Variants in SLITRK2 observed in about 807,000 individuals in gnomAD.
SLITRK2 encodes the protein SLIT and NTRK like family member 2.
Under a neutral mutation model 35.4 loss-of-function variants are expected in SLITRK2, and 13 were observed. The observed-to-expected ratio is 0.37, with a 90% CI of 0.24 to 0.58. The LOEUF (loss-of-function observed/expected upper bound fraction) is 0.58. Among genes scored for constraint, SLITRK2 ranks in the 20% least tolerant of loss-of-function variants. The pLI, the probability that SLITRK2 is intolerant of heterozygous loss-of-function variation, is 0.75. For missense variants in SLITRK2, 471 were observed against 634.3 expected (o/e 0.74, Z 2.76); for synonymous variants, 294 against 264.7 (o/e 1.11, Z -1.07).
chrX:145,825,101 G>A lies in SLITRK2; in HGVS notation c.*138G>A, dbSNP rs1288461828. 5 of 700,011 alleles carry A rather than the reference G, an allele frequency of 7.1e-6. No individual in the cohort carries two copies. Among genetic ancestry groups the A allele is most frequent in the Middle Eastern group, 3.3e-4 (1 of 3,045 alleles). The allele number at this position is 700,011 out of a possible 1,213,427, so 57.7% of individuals were successfully genotyped here. A position where few individuals can be genotyped will look rare whatever the true frequency, so the allele number is the denominator to read the frequency against. On this transcript the variant is annotated 3_prime_UTR_variant, in exon 5 of 5. Transcript: ENST00000335565. ...GGACTTTGAAAATGTTTGGGAGATA[G>A]GATGAAGTCATGATTTTGCTTTTGC...
intron 1 of SLITRK2, chrX:145,818,322 G>C (rs1183164341): frequency 1.8e-5 from 2 of 112,927 alleles, no homozygotes; most frequent in Non-Finnish European, 3.8e-5. Context: ...GCCTCCGGTC[G>C]GCCTGCAGTG....
rs782518844 is a variant in SLITRK2 at position 145,823,317 on chromosome X, G to T, written c.892G>T (p.Ala298Ser). ...TMNPALNPTR[A>S]PKASRPPKMR... ...GAATCCTGCTCTCAACCCAACCAGGGCTCCGAAAGCCAGCCGGCCGCCCAA... is the reference window on the plus strand; with the variant it reads ...GAATCCTGCTCTCAACCCAACCAGGTCTCCGAAAGCCAGCCGGCCGCCCAA... Residue 298 changes from alanine to serine, a missense_variant, in exon 5 of 5, where the codon GCT becomes TCT. Coordinates refer to ENST00000335565, the MANE Select transcript of SLITRK2 (RefSeq NM_032539.5). 9.9e-6 allele frequency: 12 copies of T among 1,209,246 alleles called. No homozygotes were observed. Among genetic ancestry groups the T allele is most frequent in the African/African-American group, 3.5e-5 (2 of 56,937 alleles).
rs2073028473 is a variant in SLITRK2, at chrX:145,822,018, T to C, written c.-179T>C. On this transcript the variant is annotated 5_prime_UTR_variant, in exon 4 of 5. Coordinates refer to ENST00000335565, the MANE Select transcript of SLITRK2 (RefSeq NM_032539.5). The stretch of plus-strand genomic sequence containing the variant: ...TTTTTCCTAAAGCGATTGCGATTTC[T>C]GCTGGGAGCTCAAGACGGGCGAGCT... 1 of 123,060 alleles carries C rather than the reference T, an allele frequency of 8.1e-6. No individual in the cohort carries two copies. The highest frequency in any genetic ancestry group is 3.4e-5 in the African/African-American group (1 of 29,587). 10.1% of individuals were successfully genotyped at this position (123,060 alleles called of 1,213,427 possible). A position where few individuals can be genotyped will look rare whatever the true frequency, so the allele number is the denominator to read the frequency against.
chrX:145,823,956 G>T lies in SLITRK2; in HGVS notation c.1531G>T (p.Val511Leu). Residue 511 changes from valine (V) to leucine (L), a missense_variant, in exon 5 of 5, where the codon GTG becomes TTG. Val to Leu is a conservative substitution (Grantham distance 32). Transcript: ENST00000335565. Reference protein sequence around the residue: ...LRNNHFSHLPVKGVLDQLPAF... With the variant: ...LRNNHFSHLPLKGVLDQLPAF... ...AAACAACCATTTTTCTCACCTGCCC[G>T]TGAAAGGGGTTCTGGATCAGCTCCC... is the stretch of plus-strand genomic sequence containing the variant. 3.3e-6 allele frequency: 4 copies of T among 1,211,298 alleles called. No individual in the cohort carries two copies. The highest frequency in any genetic ancestry group is 4.5e-6 in the Non-Finnish European group (4 of 895,406).
chrX:145,822,195 T>C (rs2073032051), intron 4 of SLITRK2, 42 bp downstream of exon 4: 3 of 374,220 alleles, frequency 8.0e-6, no homozygotes, highest in East Asian at 8.8e-5. Flanking sequence ...GTGGGTGGCC[T>C]CGGGATGGGG....
intron 1 of SLITRK2, 78 bp downstream of exon 1, chrX:145,818,104 C>T (rs1347116440): frequency 1.8e-5 from 2 of 112,538 alleles, no homozygotes; most frequent in Non-Finnish European, 1.9e-5. Context: ...CCTTTCCCGG[C>T]CACCTCTCCT....
At position 145,825,155 on chromosome X, in the gene SLITRK2, G is replaced by A. The variant is rs1053599340; in HGVS notation, c.*192G>A. 8.4e-5 allele frequency: 27 copies of A among 321,708 alleles called. No individual in the cohort carries two copies. Among genetic ancestry groups the A allele is most frequent in the Non-Finnish European group, 1.3e-4 (25 of 194,462 alleles). 26.5% of individuals were successfully genotyped at this position (321,708 alleles called of 1,213,427 possible). ...TTTTCCTTTAAATTATTTCTCTCTC[G>A]CTCTCCTCCCCTCCTTTTTTTTTTT... On this transcript the variant is annotated 3_prime_UTR_variant, in exon 5 of 5. Coordinates refer to ENST00000335565, the MANE Select transcript of SLITRK2 (RefSeq NM_032539.5).
At chrX:145,821,298 G>T (rs1424502874) in intron 2 of SLITRK2, 50 bp from the exon 3 acceptor site, 2 of 109,432 alleles carry the variant, frequency 1.8e-5, no homozygotes, top group South Asian at 4.1e-4. Flanking sequence ...CATTAGCAGG[G>T]CCCCTCCTTG....
chrX:145,820,774 G>A, intron 2 of SLITRK2: 1 of 111,159 alleles, frequency 9.0e-6, no homozygotes, highest in Non-Finnish European at 1.9e-5. Context: ...CTCATTATCT[G>A]GCTAAGTATA....
chrX:145,827,868 A>G lies in SLITRK2; in HGVS notation c.*2905A>G. 8.3e-7 allele frequency: 1 copy of G among 1,211,413 alleles called. No homozygotes were observed. Among genetic ancestry groups the G allele is most frequent in the Middle Eastern group, 2.3e-4 (1 of 4,351 alleles). ...TTTAGGATTTTTATTTTTATCTTCC[A>G]CAGCTGGATATTGCTATTTCACTTT... On this transcript the variant is annotated 3_prime_UTR_variant, in exon 5 of 5. Coordinates refer to ENST00000335565, the MANE Select transcript of SLITRK2 (RefSeq NM_032539.5).
Position 145,822,126 on chromosome X carries a change from G to A in SLITRK2, c.-71G>A. The A allele has an allele frequency of 6.9e-6, 2 of 288,454 alleles. No individual in the cohort carries two copies. Among genetic ancestry groups the A allele is most frequent in the East Asian group, 1.2e-4 (2 of 16,158 alleles). 23.8% of individuals were successfully genotyped at this position (288,454 alleles called of 1,213,427 possible). ...ACAACTCGGTTACTAATGACTTGGC[G>A]GCTGGCTGCGACCCCCCGGGAAATC... On this transcript the variant is annotated 5_prime_UTR_variant, in exon 4 of 5. Coordinates refer to ENST00000335565, the MANE Select transcript of SLITRK2 (RefSeq NM_032539.5).
rs1556944492 is a variant in SLITRK2, at chrX:145,823,782, T to C, written c.1357T>C (p.Tyr453His). ...FDGLQSLQYLYLEYNVIKEIK... is the reference protein window; with the variant it reads ...FDGLQSLQYLHLEYNVIKEIK... ...TGGACTGCAGAGCTTGCAATATCTC[T>C]ATTTAGAGTATAATGTCATTAAGGA... The change falls in exon 5 of 5, where the codon TAT (tyrosine) becomes CAT (histidine). Residue 453 changes from tyrosine to histidine, a missense_variant. Transcript: ENST00000335565. The C allele has an allele frequency of 8.3e-7, 1 of 1,208,811 alleles. No individual in the cohort carries two copies. Among genetic ancestry groups the C allele is most frequent in the African/African-American group, 1.7e-5 (1 of 57,162 alleles).
In SLITRK2 at chrX:145,827,798, T is replaced by A. The variant is rs781849513; in HGVS notation, c.*2835T>A. On this transcript the variant is annotated 3_prime_UTR_variant, in exon 5 of 5. Transcript: ENST00000335565. ...CTCACTAGCATCCCCACTGACTATA[T>A]TCTGTTTTGCTTTATCTGCTCAAGC... 2.5e-6 allele frequency: 3 copies of A among 1,210,609 alleles called. No individual in the cohort carries two copies. The South Asian group carries it at 5.3e-5, about 21-fold the overall frequency.
rs1403338469 is a variant in SLITRK2, at chrX:145,819,641, T to C, written c.-792-833T>C. ...ACATAGAAACAAATGCCTCCTTTGC[T>C]AGGAAAGGGAGCTTAATTGTGCTCC... On this transcript the variant is annotated intron_variant, in intron 1 of 4. Transcript: ENST00000335565. 3 of 112,333 alleles carry C rather than the reference T, an allele frequency of 2.7e-5. No homozygotes were observed. The East Asian group carries it at 8.4e-4, about 32-fold the overall frequency. The allele number at this position is 112,333 out of a possible 1,213,427, so 9.3% of individuals were successfully genotyped here. A position where few individuals can be genotyped will look rare whatever the true frequency, so the allele number is the denominator to read the frequency against.
chrX:145,825,167 T>G lies in SLITRK2; in HGVS notation c.*204T>G. 8.9e-6 allele frequency: 2 copies of G among 224,901 alleles called. No homozygotes were observed. The highest frequency in any genetic ancestry group is 1.5e-5 in the Non-Finnish European group (2 of 137,730). The allele number at this position is 224,901 out of a possible 1,213,427, so 18.5% of individuals were successfully genotyped here. ...TTATTTCTCTCTCGCTCTCCTCCCC[T>G]CCTTTTTTTTTTTTTTTTTTTTTTC... is the stretch of plus-strand genomic sequence containing the variant. On this transcript the variant is annotated 3_prime_UTR_variant, in exon 5 of 5. Coordinates refer to ENST00000335565, the MANE Select transcript of SLITRK2 (RefSeq NM_032539.5).
rs782377976 is a variant in SLITRK2, at chrX:145,823,336, C to T, written c.911C>T (p.Pro304Leu). ...ACCAGGGCTCCGAAAGCCAGCCGGCCGCCCAAAATGAGAAATCGTCCAACT... is the reference window on the plus strand; with the variant it reads ...ACCAGGGCTCCGAAAGCCAGCCGGCTGCCCAAAATGAGAAATCGTCCAACT... The part of the protein sequence containing the change: ...NPTRAPKASR[P>L]PKMRNRPTPR... Residue 304 changes from proline to leucine, a missense_variant, in exon 5 of 5, where the codon CCG becomes CTG. Transcript: ENST00000335565. 3.3e-6 allele frequency: 4 copies of T among 1,211,153 alleles called. No homozygotes were observed. The South Asian group carries it at 7.0e-5, about 21-fold the overall frequency.
Position 145,822,399 on chromosome X carries a change from C to T in SLITRK2, c.-27C>T, listed in dbSNP as rs921848232. On this transcript the variant is annotated 5_prime_UTR_variant, in exon 5 of 5. Coordinates refer to ENST00000335565, the MANE Select transcript of SLITRK2 (RefSeq NM_032539.5). Reference sequence around the variant, plus strand: ...CCACCTAAGGTTTGCCTGTAGGTACCTGAGTTGACACCGAAGGTGCCTAAA... The same window carrying T: ...CCACCTAAGGTTTGCCTGTAGGTACTTGAGTTGACACCGAAGGTGCCTAAA... 8.4e-7 allele frequency: 1 copy of T among 1,184,617 alleles called. No individual in the cohort carries two copies. The highest frequency in any genetic ancestry group is 3.0e-5 in the East Asian group (1 of 33,672).
In SLITRK2 at chrX:145,824,269, A is replaced by C. The variant is rs201651171; in HGVS notation, c.1844A>C (p.Glu615Ala). The C allele has an allele frequency of 7.3e-5, 88 of 1,207,846 alleles. No homozygotes were observed. The highest frequency in any genetic ancestry group is 9.8e-5 in the Non-Finnish European group (88 of 893,652). The stretch of plus-strand genomic sequence containing the variant: ...AGTTCCTATCCTGAACTACACACTG[A>C]AGTTCCACTGTCTGTCTTAATTCTG... ...SPSSYPELHT[E>A]VPLSVLILGL... The change falls in exon 5 of 5, where the codon GAA becomes GCA. Residue 615 changes from glutamate (E) to alanine (A), a missense_variant. By Grantham distance (107) the Glu-to-Ala change is moderately radical. This residue lies in a region of SLITRK2 where 190 missense variants were observed against 199.3 expected (regional missense o/e 0.95). Coordinates refer to ENST00000335565, the MANE Select transcript of SLITRK2 (RefSeq NM_032539.5).
At position 145,822,699 on chromosome X, in the gene SLITRK2, C is replaced by A. The variant is rs2073045202; in HGVS notation, c.274C>A (p.His92Asn). The change falls in exon 5 of 5, where the codon CAC becomes AAC. Residue 92 changes from histidine to asparagine, a missense_variant. His to Asn is a moderately conservative substitution (Grantham distance 68). This residue lies in a region of SLITRK2 where 98 missense variants were observed against 120.6 expected (regional missense o/e 0.81). Coordinates refer to ENST00000335565, the MANE Select transcript of SLITRK2 (RefSeq NM_032539.5). ...CAATTACTCCAACGCGGTGACTCTTCACCTAGGTAACAACGGGTTACAGGA... is the reference window on the plus strand; with the variant it reads ...CAATTACTCCAACGCGGTGACTCTTAACCTAGGTAACAACGGGTTACAGGA... Reference protein sequence around the residue: ...FVNYSNAVTLHLGNNGLQEIR... With the variant: ...FVNYSNAVTLNLGNNGLQEIR... The A allele has an allele frequency of 1.7e-6, 2 of 1,211,605 alleles. No homozygotes were observed. Among genetic ancestry groups the A allele is most frequent in the Admixed American group, 2.2e-5 (1 of 46,074 alleles).
Sources: allele counts gnomAD v4.1 joint callset, GRCh38; gene constraint gnomAD v4.1.1; regional missense constraint gnomAD v4.1.1; transcripts MANE v1.5; gene names NCBI Gene and HGNC (gene_info 2026-07-23, HGNC 2026-07-21).